ELAC2: variants seen among roughly 807,000 people sequenced by gnomAD.
ELAC2 encodes the protein zinc phosphodiesterase ELAC protein 2.
In ELAC2, 92 loss-of-function variants were observed where a neutral mutation model predicts 105.2. The ratio of observed to expected loss-of-function variants is 0.87; its 90% CI spans 0.74 to 1.04. The LOEUF (loss-of-function observed/expected upper bound fraction) is 1.04, where lower values mean the gene tolerates loss of function less well. Ranked by LOEUF, ELAC2 falls within the 50% of genes least tolerant of loss-of-function variation. ELAC2 has a pLI of 0.00. For missense variants in ELAC2, 1,099 were observed against 1,071.7 expected (o/e 1.03, Z -0.36); for synonymous variants, 468 against 409.1 (o/e 1.14, Z -1.74).
Position 13,002,282 on chromosome 17 carries a change from C to T in ELAC2, c.1296G>A (p.Glu432=), listed in dbSNP as rs1386385766. 1 of 1,614,206 alleles carries T rather than the reference C, an allele frequency of 6.2e-7. No homozygotes were observed. ...LLKYQLRPRR[E]WQRDAIITCN... ...TTCAAGATGGCACAGACCTCTGCCA[C>T]TCCCTCCTGGGACGGAGCTGGTACT... Residue 432 remains glutamate, a synonymous_variant, in exon 14 of 24, where the codon GAG becomes GAA. Transcript: ENST00000338034.
intron 17 of ELAC2, 41 bp from the exon 18 acceptor site, chr17:12,996,019 G>C (rs548590974): frequency 1.9e-6 from 3 of 1,570,014 alleles, no homozygotes; most frequent in South Asian, 1.2e-5. Flanking sequence ...CAGGCCCCAG[G>C]GCCATCCCCT....
Position 13,015,784 on chromosome 17 carries a change from G to C in ELAC2, c.416C>G (p.Ser139Cys). ...AAGACTCACCAGTTGTGGAGGTCCAGAAAGTACACACTTTGGAAGCCCGGT... is the reference window on the plus strand; with the variant it reads ...AAGACTCACCAGTTGTGGAGGTCCACAAAGTACACACTTTGGAAGCCCGGT... ...KETGLPKCVL[S>C]GPPQLEKYLE... The change falls in exon 4 of 24, where the codon TCT becomes TGT. Residue 139 changes from serine (S) to cysteine (C), a missense_variant. Ser to Cys is a moderately radical substitution (Grantham distance 112). Coordinates refer to ENST00000338034, the MANE Select transcript of ELAC2 (RefSeq NM_018127.7). 5 of 1,613,982 alleles carry C rather than the reference G, an allele frequency of 3.1e-6. No individual in the cohort carries two copies. Among genetic ancestry groups the C allele is most frequent in the Non-Finnish European group, 4.2e-6 (5 of 1,179,828 alleles).
Position 12,992,822 on chromosome 17 carries a change from T to C in ELAC2, c.2477A>G (p.Gln826Arg). Residue 826 changes from glutamine (Q) to arginine (R), a missense_variant, in exon 24 of 24, where the codon CAG (glutamine) becomes CGG (arginine). Coordinates refer to ENST00000338034, the MANE Select transcript of ELAC2 (RefSeq NM_018127.7). Reference sequence around the variant, plus strand: ...AGTTCAGGGTCTCCCAGATCTTCACTGGGCTCTGACCTTCTTGGCCTGTGG... The same window carrying C: ...AGTTCAGGGTCTCCCAGATCTTCACCGGGCTCTGACCTTCTTGGCCTGTGG... ...EEPQAKKVRA[Q>R] 1 of 1,614,020 alleles carries C rather than the reference T, an allele frequency of 6.2e-7. No homozygotes were observed. The highest frequency in any genetic ancestry group is 8.5e-7 in the Non-Finnish European group (1 of 1,180,040).
chr17:12,995,769 G>T lies in ELAC2; in HGVS notation c.1742C>A (p.Pro581His). 6.2e-7 allele frequency: 1 copy of T among 1,613,038 alleles called. No individual in the cohort carries two copies. Among genetic ancestry groups the T allele is most frequent in the Non-Finnish European group, 8.5e-7 (1 of 1,179,602 alleles). ...CTGGAGCCAGGCTTTGAGCTGGTTG[G>T]GGGCAACCACCAGCAAAGGGTGAAG... ...KPLHPLLVVA[P>H]NQLKAWLQQY... The change falls in exon 19 of 24, where the codon CCC becomes CAC. Residue 581 changes from proline (P) to histidine (H), a missense_variant. Pro to His is a moderately conservative substitution (Grantham distance 77). Coordinates refer to ENST00000338034, the MANE Select transcript of ELAC2 (RefSeq NM_018127.7).
At chr17:13,010,541 T>C in intron 8 of ELAC2, 72 bp downstream of exon 8, 1 of 1,422,750 alleles carries the variant, frequency 7.0e-7, no homozygotes, top group East Asian at 2.3e-5. Context: ...CTCAAATTAA[T>C]GAAAAAGTGC....
chr17:12,993,738 G>A lies in ELAC2; in HGVS notation c.2202C>T (p.Leu734=), dbSNP rs1463196229. The change falls in exon 23 of 24, where the codon CTC becomes CTT. Residue 734 remains leucine, a synonymous_variant. Coordinates refer to ENST00000338034, the MANE Select transcript of ELAC2 (RefSeq NM_018127.7). The part of the protein sequence containing the change: ...HFSQRYAKVP[L]FSPNFSEKVG... The stretch of plus-strand genomic sequence containing the variant: ...CTTTCTCGCTGAAGTTGGGGCTGAA[G>A]AGGGGGACCTTGGCATAGCGCTGGC... 9.3e-6 allele frequency: 15 copies of A among 1,614,070 alleles called. No individual in the cohort carries two copies. Among genetic ancestry groups the A allele is most frequent in the Non-Finnish European group, 1.2e-5 (14 of 1,180,030 alleles).
intron 8 of ELAC2, 42 bp downstream of exon 8, chr17:13,010,571 A>G (rs918658437): frequency 1.3e-6 from 2 of 1,596,890 alleles, no homozygotes; most frequent in Non-Finnish European, 1.7e-6. Context: ...GTCGCTGACC[A>G]AGACCCCAGT....
In ELAC2 at chr17:12,991,689, G is replaced by T. The variant is rs184863201; in HGVS notation, c.*1129C>A. 3.6e-3 allele frequency: 740 copies of T among 206,834 alleles called. 4 individuals are homozygous for T. Among genetic ancestry groups the T allele is most frequent in the Non-Finnish European group, 5.4e-3 (541 of 101,024 alleles). 12.8% of individuals were successfully genotyped at this position (206,834 alleles called of 1,614,324 possible). A position where few individuals can be genotyped will look rare whatever the true frequency, so the allele number is the denominator to read the frequency against. Reference sequence around the variant, plus strand: ...TTAATAAACCTGCGGGGACATGGCCGTCAATCTCAAATGCACACCGGGATG... The same window carrying T: ...TTAATAAACCTGCGGGGACATGGCCTTCAATCTCAAATGCACACCGGGATG... On this transcript the variant is annotated 3_prime_UTR_variant, in exon 24 of 24. Transcript: ENST00000338034.
intron 14 of ELAC2, among the ~76,000 whole-genome samples, chr17:13,001,197 C>T (rs371790319): frequency 6.6e-6 from 1 of 152,096 alleles, no homozygotes; most frequent in African/African-American, 2.4e-5. Flanking sequence ...AGGTTCAGAT[C>T]CTTAAAAATT....
intron 17 of ELAC2, chr17:12,996,211 G>A: frequency 1.6e-6 from 1 of 641,846 alleles, no homozygotes; most frequent in Non-Finnish European, 2.7e-6. Flanking sequence ...CCAGGGCCCG[G>A]CACCCCAGGA....
At position 13,017,701 on chromosome 17, in the gene ELAC2, A is replaced by T. The variant is rs748684065; in HGVS notation, c.245+2T>A. The T allele has an allele frequency of 6.8e-6, 11 of 1,612,954 alleles. No homozygotes were observed. The highest frequency in any genetic ancestry group is 6.7e-5 in the Admixed American group (4 of 59,972). Reference sequence around the variant, plus strand: ...GGGACGGGGCGTGGCTCGTTGACTGACCGGTTGAACTCGGAGAAGACGTAG... The same window carrying T: ...GGGACGGGGCGTGGCTCGTTGACTGTCCGGTTGAACTCGGAGAAGACGTAG... On this transcript the variant is annotated splice_donor_variant, in intron 1 of 23. Transcript: ENST00000338034. LOFTEE classifies it high-confidence loss of function.
At position 13,005,990 on chromosome 17, in the gene ELAC2, G is replaced by A. The variant is rs919712707; in HGVS notation, c.739-11C>T. 3.7e-6 allele frequency: 6 copies of A among 1,613,790 alleles called. No homozygotes were observed. In the African/African-American group the frequency reaches 5.3e-5, roughly 14 times the overall value. ...TCTCTTTAAGTGAAGCTGCAACAAAGAGAACATAGATGTGATCTTAGGGGC... is the reference window on the plus strand; with the variant it reads ...TCTCTTTAAGTGAAGCTGCAACAAAAAGAACATAGATGTGATCTTAGGGGC... On this transcript the variant is annotated splice_polypyrimidine_tract_variant and intron_variant, in intron 8 of 23. Transcript: ENST00000338034.
chr17:13,003,216 G>GT (rs1403763772), intron 12 of ELAC2, among the ~76,000 whole-genome samples: 5 of 152,230 alleles, frequency 3.3e-5, no homozygotes, highest in African/African-American at 1.2e-4. Context: ...CCAAACGGCA[G>GT]TATTTGTTCA....
At chr17:13,001,156 T>C (rs2040782804) in intron 14 of ELAC2, among the ~76,000 whole-genome samples, 1 of 152,088 alleles carries the variant, frequency 6.6e-6, no homozygotes, top group Non-Finnish European at 1.5e-5. Context: ...CTAATACAAA[T>C]ACTGTGGAGT....
At position 13,015,913 on chromosome 17, in the gene ELAC2, A is replaced by G. The variant is rs2041694116; in HGVS notation, c.368-81T>C. On this transcript the variant is annotated intron_variant, in intron 3 of 23. Coordinates refer to ENST00000338034, the MANE Select transcript of ELAC2 (RefSeq NM_018127.7). ...AGGAGGAGCACCCCGTACTAATCCA[A>G]CTATTTATCTACATCTCCACCTTCC... The G allele has an allele frequency of 2.8e-6, 3 of 1,059,010 alleles. No individual in the cohort carries two copies. The East Asian group carries it at 7.1e-5, about 25-fold the overall frequency. 65.6% of individuals were successfully genotyped at this position (1,059,010 alleles called of 1,614,324 possible).
intron 11 of ELAC2, 184 bp from the exon 12 acceptor site, chr17:13,003,758 C>A: frequency 1.6e-6 from 1 of 618,358 alleles, no homozygotes; most frequent in Non-Finnish European, 2.9e-6. Context: ...TGGGCCATTT[C>A]CAATGGACGT....
chr17:13,017,020 C>T, intron 2 of ELAC2, 51 bp downstream of exon 2: 1 of 1,613,256 alleles, frequency 6.2e-7, no homozygotes, highest in Non-Finnish European at 8.5e-7. Context: ...CTCATTTCGG[C>T]TTTCAAGCCC....
chr17:12,994,164 C>T (rs2040346586), intron 22 of ELAC2, among the ~76,000 whole-genome samples: 1 of 152,208 alleles, frequency 6.6e-6, no homozygotes, highest in Non-Finnish European at 1.5e-5. Context: ...CTGGCAATTC[C>T]CTGACATGGC....
chr17:12,995,914 G>C, intron 18 of ELAC2, 26 bp downstream of exon 18: 2 of 1,589,060 alleles, frequency 1.3e-6, no homozygotes, highest in Non-Finnish European at 8.6e-7. Flanking sequence ...CTGAAACTCA[G>C]AACGCCCATC....
Sources: allele counts gnomAD v4.1 joint callset (sites outside exome capture counted in the v4.1 genomes callset), GRCh38; gene constraint gnomAD v4.1.1; transcripts MANE v1.5; gene names NCBI Gene and HGNC (gene_info 2026-07-23, HGNC 2026-07-21).